The following SHOC1 variants were observed in gnomAD, a reference collection of about 807,000 sequenced individuals.
The protein encoded by SHOC1 is protein shortage in chiasmata 1 ortholog.
In SHOC1, 136 loss-of-function variants were observed where a neutral mutation model predicts 179.2. The observed-to-expected ratio is 0.76, with a 90% confidence interval of 0.66 to 0.87. SHOC1 has a LOEUF of 0.87. Ranked by LOEUF, SHOC1 falls within the 40% of genes least tolerant of loss-of-function variation. The probability of loss-of-function intolerance (pLI) is 0.00; values close to 1 mark genes in which losing one functional copy is unlikely to be tolerated. For synonymous variants in SHOC1, 489 were observed against 586.6 expected, an observed-to-expected ratio of 0.83 and a Z score of 2.41; for missense variants, 1,538 against 1,700.8, an observed-to-expected ratio of 0.90 and a Z score of 1.68.
chr9:111,756,544 A>G, intron 7 of SHOC1, 66 bp from the exon 8 acceptor site: 6 of 1,440,096 alleles, frequency 4.2e-6, no homozygotes, highest in East Asian at 2.3e-5. Context: ...CGAAATCATA[A>G]GTGGACAAAA....
rs375318757 is a variant in SHOC1, at chr9:111,791,370, C to A, written c.45+4G>T. ...AAATAGACAGTAAGCCACTAACACT[C>A]TACCTCATATAAATAGTCTATTGCA... is the stretch of plus-strand genomic sequence containing the variant. On this transcript the variant is annotated splice_donor_region_variant and intron_variant, in intron 2 of 27. Coordinates refer to ENST00000682961, the MANE Select transcript of SHOC1 (RefSeq NM_001378211.1). The A allele has an allele frequency of 3.4e-5, 50 of 1,452,724 alleles. No individual in the cohort carries two copies. In the African/African-American group the frequency reaches 6.9e-4, roughly 20 times the overall value. The allele number at this position is 1,452,724 out of a possible 1,614,324, so 90.0% of individuals were successfully genotyped here. A position where few individuals can be genotyped will look rare whatever the true frequency, so the allele number is the denominator to read the frequency against.
intron 7 of SHOC1, among the ~76,000 whole-genome samples, chr9:111,757,006 T>A (rs541988105): frequency 6.6e-6 from 1 of 151,666 alleles, no homozygotes; most frequent in South Asian, 2.1e-4. Context: ...TTAACCTTTT[T>A]ACCATCATGT....
rs1397485397 is a variant in SHOC1, at chr9:111,777,050, G to A, written c.258-1075C>T. On this transcript the variant is annotated intron_variant, in intron 4 of 27. Transcript: ENST00000682961. ...GGGAGTGCTGACTGTTCAGGTTGGA[G>A]ATGGAAATATAGGGGGTGGAAGTGA... Among the ~76,000 whole-genome samples the A allele has an allele frequency of 3.3e-5, 5 of 152,272 alleles. No homozygotes were observed. The East Asian group carries it at 9.6e-4, about 29-fold the overall frequency.
intron 24 of SHOC1, 62 bp from the exon 25 acceptor site, chr9:111,694,424 T>G: frequency 4.8e-6 from 6 of 1,255,438 alleles, no homozygotes; most frequent in Non-Finnish European, 6.7e-6. Flanking sequence ...TAATATTTTT[T>G]AAACAGTTTG....
chr9:111,770,901 G>C (rs1229456052), intron 5 of SHOC1, among the ~76,000 whole-genome samples: 2 of 152,012 alleles, frequency 1.3e-5, no homozygotes, highest in African/African-American at 4.8e-5. Flanking sequence ...CAGTCTGTGT[G>C]TCTTTATAAG....
intron 20 of SHOC1, 138 bp from the exon 21 acceptor site, chr9:111,705,502 A>C (rs550451185): frequency 2.8e-5 from 12 of 431,708 alleles, no homozygotes; most frequent in African/African-American, 6.2e-5. Context: ...GAAACAGAAT[A>C]AAGACAGGCT....
chr9:111,763,352 C>T (rs1835219512), intron 5 of SHOC1, among the ~76,000 whole-genome samples: 1 of 151,888 alleles, frequency 6.6e-6, no homozygotes, highest in South Asian at 2.1e-4. Flanking sequence ...TAATATATAA[C>T]AATAGACCCA....
chr9:111,744,804 A>G (rs1189847185), intron 10 of SHOC1, among the ~76,000 whole-genome samples: 1 of 152,248 alleles, frequency 6.6e-6, no homozygotes, highest in African/African-American at 2.4e-5. Context: ...GCTTTATTCC[A>G]GGATAGCAGA....
At chr9:111,793,374 T>A (rs1293341169) in intron 1 of SHOC1, among the ~76,000 whole-genome samples, 1 of 152,240 alleles carries the variant, frequency 6.6e-6, no homozygotes, top group African/African-American at 2.4e-5. Flanking sequence ...AAGCCTAGTA[T>A]TTCTATCACT....
intron 9 of SHOC1, 42 bp downstream of exon 9, chr9:111,748,050 A>G (rs775315649): frequency 1.5e-6 from 2 of 1,291,566 alleles, no homozygotes; most frequent in Admixed American, 3.4e-5. Context: ...CATCATAAAT[A>G]GGTAATCCCC....
At chr9:111,789,459 T>G (rs1836376907) in intron 2 of SHOC1, among the ~76,000 whole-genome samples, 1 of 152,206 alleles carries the variant, frequency 6.6e-6, no homozygotes, top group African/African-American at 2.4e-5. Context: ...AAAGATATTT[T>G]TAGAAAATGT....
chr9:111,773,694 A>G (rs1835712886), intron 5 of SHOC1, among the ~76,000 whole-genome samples: 1 of 152,350 alleles, frequency 6.6e-6, no homozygotes, highest in African/African-American at 2.4e-5. Flanking sequence ...GATGCTTAAG[A>G]GTTTCATGTA....
At chr9:111,762,522 A>G (rs1317136978) in intron 5 of SHOC1, among the ~76,000 whole-genome samples, 1 of 152,168 alleles carries the variant, frequency 6.6e-6, no homozygotes, top group African/African-American at 2.4e-5. Context: ...TTTAAAAATA[A>G]TATCATGTAT....
At position 111,748,154 on chromosome 9, in the gene SHOC1, A is replaced by G; in HGVS notation, c.908T>C (p.Phe303Ser). The G allele has an allele frequency of 1.2e-6, 2 of 1,613,874 alleles. No homozygotes were observed. The highest frequency in any genetic ancestry group is 1.7e-6 in the Non-Finnish European group (2 of 1,179,878). ...HGIEDIGDIK[F>S]SSTEILTIQS... is the part of the protein sequence containing the mutation. Reference sequence around the variant, plus strand: ...AATGGTCAAAATCTCTGTGGAGCTGAATTTTATATCCCCGATATCCTCAAT... The same window carrying G: ...AATGGTCAAAATCTCTGTGGAGCTGGATTTTATATCCCCGATATCCTCAAT... Residue 303 changes from phenylalanine to serine, a missense_variant, in exon 9 of 28, where the codon TTC becomes TCC. Physicochemically the swap from Phe to Ser is radical, Grantham distance 155. Coordinates refer to ENST00000682961, the MANE Select transcript of SHOC1 (RefSeq NM_001378211.1).
chr9:111,778,770 CAAAA>C (rs11295075), intron 4 of SHOC1, among the ~76,000 whole-genome samples: 2 of 74,004 alleles, frequency 2.7e-5, no homozygotes, highest in Admixed American at 3.3e-4. Context: ...GACTCTGTCT[CAAAA>C]AAAAAAAAAA....
intron 9 of SHOC1, among the ~76,000 whole-genome samples, chr9:111,746,964 G>C (rs1834318024): frequency 1.3e-5 from 2 of 151,926 alleles, no homozygotes; most frequent in African/African-American, 2.4e-5. Context: ...CTGACAGCTT[G>C]TGTTGTCAGT....
intron 8 of SHOC1, among the ~76,000 whole-genome samples, chr9:111,749,473 GTTT>G (rs998554715): frequency 6.6e-6 from 1 of 151,546 alleles, no homozygotes; most frequent in African/African-American, 2.4e-5. Flanking sequence ...ATTGCTCAAA[GTTT>G]TTTTTATTTT....
At chr9:111,791,165 A>G (rs1301273962) in intron 2 of SHOC1, among the ~76,000 whole-genome samples, 1 of 152,204 alleles carries the variant, frequency 6.6e-6, no homozygotes, top group Non-Finnish European at 1.5e-5. Context: ...AAATATAAAT[A>G]AATTTTGTGT....
At chr9:111,724,086 A>G (rs1188685594) in intron 13 of SHOC1, among the ~76,000 whole-genome samples, 175 bp from the exon 14 acceptor site, 2 of 152,238 alleles carry the variant, frequency 1.3e-5, no homozygotes, top group African/African-American at 2.4e-5. Flanking sequence ...CTAGGTAGGA[A>G]GATGAATGGT....
Sources: gnomAD v4.1 joint callset for allele counts (sites outside exome capture counted in the v4.1 genomes callset) on GRCh38, gnomAD v4.1.1 for gene constraint, MANE v1.5 for transcripts, NCBI Gene and HGNC (gene_info 2026-07-23, HGNC 2026-07-21) for gene names.